RGS7: variants seen among roughly 807,000 people sequenced by gnomAD.
RGS7 encodes regulator of G-protein signaling 7.
A neutral mutation model predicts 81.1 loss-of-function variants in RGS7; 27 were observed. That is an observed-to-expected ratio of 0.33 (90% CI 0.25 to 0.46). RGS7 has a LOEUF of 0.46. Ranked by LOEUF, RGS7 falls within the 20% of genes least tolerant of loss-of-function variation. The pLI is 1.00. For missense variants in RGS7, 396 were observed against 607.4 expected (o/e 0.65, Z 3.66); for synonymous variants, 208 against 207.7 (o/e 1.00, Z -0.01).
chr1:240,957,725 T>C (rs1240106184), intron 4 of RGS7, among the ~76,000 whole-genome samples: 1 of 152,234 alleles, frequency 6.6e-6, no homozygotes, highest in Non-Finnish European at 1.5e-5. Flanking sequence ...GACAAGTATA[T>C]CGTACTAATG....
intron 2 of RGS7, among the ~76,000 whole-genome samples, chr1:241,290,945 T>G (rs1211848406): frequency 2.6e-5 from 4 of 152,228 alleles, no homozygotes; most frequent in Non-Finnish European, 5.9e-5. Context: ...AATGGCAGCA[T>G]AAAATGGCAC....
chr1:241,190,162 C>T (rs748015485), intron 2 of RGS7, among the ~76,000 whole-genome samples: 17 of 152,008 alleles, frequency 1.1e-4, no homozygotes, highest in Non-Finnish European at 2.4e-4. Flanking sequence ...CTATTGTGTT[C>T]CAAACTATCT....
At chr1:241,073,025 G>A (rs1200149477) in intron 3 of RGS7, among the ~76,000 whole-genome samples, 3 of 152,084 alleles carry the variant, frequency 2.0e-5, no homozygotes, top group Non-Finnish European at 4.4e-5. Context: ...TTCCAGCCCT[G>A]TTCCTCAATC....
At chr1:240,916,495 C>T (rs773580925) in intron 6 of RGS7, among the ~76,000 whole-genome samples, 3 of 152,132 alleles carry the variant, frequency 2.0e-5, no homozygotes, top group Non-Finnish European at 4.4e-5. Flanking sequence ...CCTGTTCCCC[C>T]AGCCTCAACT....
At chr1:241,252,958 G>A (rs779098890) in intron 2 of RGS7, among the ~76,000 whole-genome samples, 4 of 152,182 alleles carry the variant, frequency 2.6e-5, no homozygotes, top group Non-Finnish European at 4.4e-5. Flanking sequence ...CTCTGAAGAT[G>A]CTAGACTTTC....
At chr1:241,127,590 C>T (rs1010977639) in intron 2 of RGS7, among the ~76,000 whole-genome samples, 1 of 151,342 alleles carries the variant, frequency 6.6e-6, no homozygotes, top group African/African-American at 2.5e-5. Context: ...ATACCTAATG[C>T]TAAATGACGA....
intron 4 of RGS7, 70 bp downstream of exon 4, chr1:240,983,009 T>A: frequency 2.3e-6 from 2 of 853,920 alleles, no homozygotes; most frequent in Non-Finnish European, 3.9e-6. Context: ...TATTAAAATA[T>A]CCCTGATGAA....
At chr1:240,823,217 T>C in intron 10 of RGS7, 2 of 813,056 alleles carry the variant, frequency 2.5e-6, no homozygotes, top group Non-Finnish European at 4.3e-6. Flanking sequence ...TTCTTCGTAT[T>C]CTTGTGGTAG....
chr1:241,205,718 C>T (rs1473784667), intron 2 of RGS7, among the ~76,000 whole-genome samples: 1 of 152,136 alleles, frequency 6.6e-6, no homozygotes, highest in Non-Finnish European at 1.5e-5. Context: ...ACCTCAGCCT[C>T]CCAAAGTGTT....
At chr1:241,106,781 C>CACACACACAA (rs1311029724) in intron 2 of RGS7, among the ~76,000 whole-genome samples, 4 of 148,722 alleles carry the variant, frequency 2.7e-5, no homozygotes, top group African/African-American at 7.4e-5. Flanking sequence ...CACACACACA[C>CACACACACAA]ACGATAACAT....
At chr1:240,991,507 T>G (rs1206012406) in intron 3 of RGS7, among the ~76,000 whole-genome samples, 1 of 152,126 alleles carries the variant, frequency 6.6e-6, no homozygotes, top group East Asian at 1.9e-4. Flanking sequence ...TGACAGTAAG[T>G]GTGGGAAATG....
intron 2 of RGS7, among the ~76,000 whole-genome samples, chr1:241,281,552 C>T (rs935302709): frequency 1.3e-5 from 2 of 152,200 alleles, no homozygotes; most frequent in Non-Finnish European, 2.9e-5. Context: ...TCCCAAGAAG[C>T]AGAGAAAAGT....
At chr1:241,232,276 T>C (rs1558216355) in intron 2 of RGS7, among the ~76,000 whole-genome samples, 1 of 152,096 alleles carries the variant, frequency 6.6e-6, no homozygotes, top group South Asian at 2.1e-4. Flanking sequence ...ACCCTTGGAC[T>C]CCTGGGCTTA....
intron 2 of RGS7, chr1:241,186,348 T>A (rs1180553082): frequency 9.0e-6 from 2 of 222,028 alleles, no homozygotes; most frequent in Non-Finnish European, 1.5e-5. Context: ...TACTGGTACA[T>A]TCATAAAGTA....
intron 10 of RGS7, among the ~76,000 whole-genome samples, chr1:240,819,424 G>C (rs1188478965): frequency 1.3e-5 from 2 of 152,120 alleles, no homozygotes; most frequent in Non-Finnish European, 2.9e-5. Flanking sequence ...CAACATTTAT[G>C]CATTTCCTGT....
rs887565980 is a variant in RGS7, at chr1:241,088,964, TGGCGCGAGTTGAGAC to T, written c.175+9687_175+9701del. On this transcript the variant is annotated intron_variant, in intron 3 of 18. Transcript: ENST00000440928. ...AGGCGGAAGTTGCAGTGAGTTGAGA[TGGCGCGAGTTGAGAC>T]TGCGCGACTGCACTCCAGCCTGGGC... 1.6e-4 allele frequency among the ~76,000 whole-genome samples: 22 copies of T among 141,206 alleles called. 1 individual carries two copies. The highest frequency in any genetic ancestry group is 3.2e-4 in the Non-Finnish European group (21 of 65,996). The allele number at this position is 141,206 out of a possible 152,430, so 92.6% of individuals were successfully genotyped here.
intron 6 of RGS7, among the ~76,000 whole-genome samples, chr1:240,884,011 G>A (rs1666889362): frequency 6.9e-6 from 1 of 144,270 alleles, no homozygotes; most frequent in Non-Finnish European, 1.5e-5. Flanking sequence ...GGGAGGCAGA[G>A]GTTGTAGTGA....
intron 2 of RGS7, among the ~76,000 whole-genome samples, chr1:241,237,957 C>T (rs1005591529): frequency 2.6e-5 from 4 of 152,136 alleles, no homozygotes; most frequent in African/African-American, 4.8e-5. Flanking sequence ...TGAAACAAAC[C>T]GTCTCTCAGC....
intron 3 of RGS7, among the ~76,000 whole-genome samples, chr1:241,076,169 G>C (rs2062787703): frequency 6.6e-6 from 1 of 152,004 alleles, no homozygotes; most frequent in African/African-American, 2.4e-5. Context: ...ATGCAACGTG[G>C]CTTATTCTCT....
Sources: gnomAD v4.1 joint callset for allele counts (sites outside exome capture counted in the v4.1 genomes callset) on GRCh38, gnomAD v4.1.1 for gene constraint, MANE v1.5 for transcripts, NCBI Gene and HGNC (gene_info 2026-07-23, HGNC 2026-07-21) for gene names.